The following RANGAP1 variants were observed in gnomAD, a reference collection of about 807,000 sequenced individuals.
RANGAP1 encodes the protein ran GTPase-activating protein 1.
RANGAP1 carries 38 observed loss-of-function variants against 63.5 expected under a neutral mutation model. The observed-to-expected ratio is 0.60, with a 90% CI of 0.46 to 0.78. The LOEUF is 0.78. Among genes scored for constraint, RANGAP1 ranks in the 30% least tolerant of loss-of-function variants. The pLI is 0.00. For synonymous variants in RANGAP1, 329 were observed against 310.5 expected (o/e 1.06, Z -0.63); for missense variants, 630 against 740.3 (o/e 0.85, Z 1.73).
intron 2 of RANGAP1, among the ~76,000 whole-genome samples, chr22:41,277,772 G>A (rs1032662389): frequency 2.0e-4 from 30 of 152,170 alleles, no homozygotes; most frequent in Admixed American, 1.8e-3. Flanking sequence ...GGGATGAAAA[G>A]ACTTCCTGGG....
At chr22:41,286,275 G>C (rs1478297724), upstream of RANGAP1, 1 of 152,216 alleles carries the variant, frequency 6.6e-6, no homozygotes. Context: ...GCTTGCCCTC[G>C]CCCCGCTCGC....
chr22:41,300,722 T>G, the RANGAP1 span, among the ~76,000 whole-genome samples: 1 of 149,528 alleles, frequency 6.7e-6, no homozygotes, highest in African/African-American at 2.5e-5. Flanking sequence ...CCACCCGTCT[T>G]GGCCTCCCAA....
At chr22:41,270,166 G>C (rs973516759) in intron 3 of RANGAP1, among the ~76,000 whole-genome samples, 2 of 149,916 alleles carry the variant, frequency 1.3e-5, no homozygotes, top group Admixed American at 6.7e-5. Flanking sequence ...TTTTAAGACG[G>C]AGTTTCACTC....
intron 2 of RANGAP1, among the ~76,000 whole-genome samples, chr22:41,277,228 C>A (rs2035206977): frequency 6.6e-6 from 1 of 151,324 alleles, no homozygotes; most frequent in Non-Finnish European, 1.5e-5. Context: ...CAGGCGCCCG[C>A]CACTACGCCC....
At chr22:41,278,668 TAA>T (rs1016609628) in intron 2 of RANGAP1, among the ~76,000 whole-genome samples, 1 of 152,236 alleles carries the variant, frequency 6.6e-6, no homozygotes, top group Non-Finnish European at 1.5e-5. Context: ...TCAAGTTACT[TAA>T]AGTCTCCTAA....
At chr22:41,253,075 C>G (rs982011639) in intron 11 of RANGAP1, 84 bp from the exon 12 acceptor site, 1 of 1,289,840 alleles carries the variant, frequency 7.8e-7, no homozygotes, top group Non-Finnish European at 1.0e-6. Flanking sequence ...ACACCCAGCA[C>G]ATCCACCCTT....
intron 10 of RANGAP1, 30 bp downstream of exon 10, chr22:41,255,991 C>A: frequency 6.2e-7 from 1 of 1,601,726 alleles, no homozygotes; most frequent in South Asian, 1.1e-5. Flanking sequence ...GGCCTGACCC[C>A]GACCTCTGGG....
the RANGAP1 span, among the ~76,000 whole-genome samples, chr22:41,302,356 G>A: frequency 1.3e-5 from 2 of 151,912 alleles, no homozygotes; most frequent in Non-Finnish European, 1.5e-5. This position sits in a 1 kb window ranked among gnomAD's most constrained non-coding sequence, Gnocchi z 5.7. Flanking sequence ...GCCTGCAGCC[G>A]GGCCCGCGGG....
intron 2 of RANGAP1, among the ~76,000 whole-genome samples, chr22:41,278,256 C>G (rs1166607314): frequency 2.0e-5 from 3 of 152,124 alleles, no homozygotes; most frequent in Non-Finnish European, 4.4e-5. Context: ...CCAGGCTGGT[C>G]TGGAATTCCT....
At chr22:41,282,968 T>C (rs2035572773) in intron 1 of RANGAP1, among the ~76,000 whole-genome samples, 1 of 152,184 alleles carries the variant, frequency 6.6e-6, no homozygotes, top group Non-Finnish European at 1.5e-5. Flanking sequence ...TGTGATACCC[T>C]GAATCCTCCC....
rs4820435 is a variant in RANGAP1 at position 41,256,842 on chromosome 22, G to T, written c.775-18C>A. ...TTCAAGGTCTGTGAGGGGGAAGCAAGGGTCCAGAGTGAGGGTGCAGACCAC... is the reference window on the plus strand; with the variant it reads ...TTCAAGGTCTGTGAGGGGGAAGCAATGGTCCAGAGTGAGGGTGCAGACCAC... On this transcript the variant is annotated intron_variant, in intron 7 of 15. Transcript: ENST00000356244. The T allele has an allele frequency of 0.32, 516,839 of 1,605,500 alleles. 90,819 individuals carry two copies. The highest frequency in any genetic ancestry group is 0.61 in the Admixed American group (36,162 of 59,724).
intron 2 of RANGAP1, among the ~76,000 whole-genome samples, chr22:41,280,140 T>C (rs1333386314): frequency 6.6e-6 from 1 of 151,602 alleles, no homozygotes; most frequent in African/African-American, 2.4e-5. Flanking sequence ...CTATAAACGT[T>C]AGACCTTATG....
At chr22:41,279,828 T>C (rs921319568) in intron 2 of RANGAP1, among the ~76,000 whole-genome samples, 1 of 144,902 alleles carries the variant, frequency 6.9e-6, no homozygotes, top group Non-Finnish European at 1.5e-5. Flanking sequence ...CCGGGCACAG[T>C]GGCTCACGCC....
chr22:41,294,196 C>T, the RANGAP1 span, among the ~76,000 whole-genome samples: 32 of 152,342 alleles, frequency 2.1e-4, no homozygotes, highest in African/African-American at 4.8e-4. Flanking sequence ...CGATTGAAGG[C>T]GTGCGCCGCC....
chr22:41,266,058 CG>C (rs1985393006), intron 4 of RANGAP1, among the ~76,000 whole-genome samples: 1 of 151,908 alleles, frequency 6.6e-6, no homozygotes, highest in Non-Finnish European at 1.5e-5. Context: ...AAAAATTAGC[CG>C]GGCATGGTGG....
intron 11 of RANGAP1, 68 bp downstream of exon 11, chr22:41,254,240 T>A: frequency 6.3e-7 from 1 of 1,585,500 alleles, no homozygotes; most frequent in Middle Eastern, 1.7e-4. Context: ...TACCCCATTG[T>A]GAAAGTGCCT....
At chr22:41,260,430 G>A (rs1031474710) in intron 6 of RANGAP1, among the ~76,000 whole-genome samples, 5 of 152,228 alleles carry the variant, frequency 3.3e-5, no homozygotes, top group African/African-American at 1.2e-4. Context: ...AGATCTCTGC[G>A]ATGTTCACTT....
chr22:41,267,276 G>A (rs892527090), intron 4 of RANGAP1, among the ~76,000 whole-genome samples: 4 of 152,158 alleles, frequency 2.6e-5, no homozygotes, highest in Admixed American at 6.5e-5. Flanking sequence ...AGGCTGATGC[G>A]GGAGGACTGT....
At chr22:41,269,291 A>G (rs1244131997) in intron 3 of RANGAP1, among the ~76,000 whole-genome samples, 1 of 152,214 alleles carries the variant, frequency 6.6e-6, no homozygotes, top group African/African-American at 2.4e-5. Flanking sequence ...GTAGATTGGT[A>G]GTTACCAGAG....
Sources: allele counts gnomAD v4.1 joint callset (sites outside exome capture counted in the v4.1 genomes callset), GRCh38; gene constraint gnomAD v4.1.1; non-coding constraint Gnocchi (gnomAD v3.1); transcripts MANE v1.5; gene names NCBI Gene and HGNC (gene_info 2026-07-23, HGNC 2026-07-21).